The following ZC3H3 variants were observed in gnomAD, a reference collection of about 807,000 sequenced individuals.
ZC3H3 encodes zinc finger CCCH domain-containing protein 3.
In ZC3H3, 36 loss-of-function variants were observed where a neutral mutation model predicts 77.3. The ratio of observed to expected loss-of-function variants is 0.47; its 90% confidence interval spans 0.36 to 0.61. The LOEUF (loss-of-function observed/expected upper bound fraction) is 0.61. Among genes scored for constraint, ZC3H3 ranks in the 20% least tolerant of loss-of-function variants. The probability of loss-of-function intolerance (pLI) is 0.00; values close to 1 mark genes in which losing one functional copy is unlikely to be tolerated. For missense variants in ZC3H3, 1,331 were observed against 1,312.2 expected, an observed-to-expected ratio of 1.01 and a Z score of -0.22; for synonymous variants, 626 against 555.2, an observed-to-expected ratio of 1.13 and a Z score of -1.79.
intron 2 of ZC3H3, among the ~76,000 whole-genome samples, chr8:143,537,674 T>C (rs953353867): frequency 1.3e-5 from 2 of 152,150 alleles, no homozygotes; most frequent in Non-Finnish European, 2.9e-5. Context: ...CCCCTGCGCC[T>C]GGCCTGGCAC....
chr8:143,469,611 G>A (rs1435795840), intron 5 of ZC3H3, among the ~76,000 whole-genome samples: 3 of 152,212 alleles, frequency 2.0e-5, no homozygotes, highest in Admixed American at 2.0e-4. Context: ...GTGCGGTGGT[G>A]GCAGGAAGGA....
intron 5 of ZC3H3, among the ~76,000 whole-genome samples, 199 bp from the exon 6 acceptor site, chr8:143,468,858 C>T (rs1321073726): frequency 2.0e-5 from 3 of 152,216 alleles, no homozygotes; most frequent in East Asian, 3.9e-4. Flanking sequence ...TCTGGGGACA[C>T]AGCACCTGAG....
rs765870472 is a variant in ZC3H3 at position 143,541,397 on chromosome 8, G to A, written c.25C>T (p.Arg9Trp). ...CTACCCTGCAGTAGGCGGATCTGCCGCCGTAATATCTCCTTTTCCTCCATC... is the reference window on the plus strand; with the variant it reads ...CTACCCTGCAGTAGGCGGATCTGCCACCGTAATATCTCCTTTTCCTCCATC... MEEKEILR[R>W]QIRLLQGLID... Residue 9 changes from arginine to tryptophan, a missense_variant, in exon 1 of 12, where the codon CGG (arginine) becomes TGG (tryptophan). By Grantham distance (101) the Arg-to-Trp change is moderately radical (BLOSUM62 -3). Coordinates refer to ENST00000262577, the MANE Select transcript of ZC3H3 (RefSeq NM_015117.3). 3.1e-6 allele frequency: 5 copies of A among 1,611,938 alleles called. No homozygotes were observed. The highest frequency in any genetic ancestry group is 4.2e-6 in the Non-Finnish European group (5 of 1,179,474).
intron 3 of ZC3H3, among the ~76,000 whole-genome samples, chr8:143,531,853 T>C (rs995090188): frequency 1.3e-5 from 2 of 152,238 alleles, no homozygotes; most frequent in African/African-American, 4.8e-5. Context: ...GCTGACCTCT[T>C]TCGCACGGGT....
Position 143,507,880 on chromosome 8 carries a change from C to G in ZC3H3, c.1581G>C (p.Val527=). The change falls in exon 4 of 12, where the codon GTG becomes GTC. Residue 527 remains valine (V), a synonymous_variant. Coordinates refer to ENST00000262577, the MANE Select transcript of ZC3H3 (RefSeq NM_015117.3). The stretch of plus-strand genomic sequence containing the variant: ...TCACCTTGCTGGTGGGTGCAGTCCG[C>G]ACGGCATGCAGGCTGGACGCTGTAG... The part of the protein sequence containing the change: ...PTKEASSLHA[V]RTAPTSKVIK... 1 of 1,602,124 alleles carries G rather than the reference C, an allele frequency of 6.2e-7. No individual in the cohort carries two copies. Among genetic ancestry groups the G allele is most frequent in the Non-Finnish European group, 8.5e-7 (1 of 1,173,170 alleles).
intron 3 of ZC3H3, among the ~76,000 whole-genome samples, chr8:143,510,011 C>T (rs578105878): frequency 2.0e-5 from 3 of 152,318 alleles, no homozygotes; most frequent in East Asian, 3.9e-4. Context: ...AACACTTCTG[C>T]CCAGGAGGGG....
intron 4 of ZC3H3, among the ~76,000 whole-genome samples, chr8:143,506,640 G>A (rs942530903): frequency 2.0e-5 from 3 of 152,172 alleles, no homozygotes; most frequent in African/African-American, 4.8e-5. Flanking sequence ...AAAAAGTGCA[G>A]TAAAATTAAT....
At chr8:143,478,788 G>C (rs912045332) in intron 4 of ZC3H3, among the ~76,000 whole-genome samples, 7 of 152,254 alleles carry the variant, frequency 4.6e-5, no homozygotes, top group African/African-American at 1.7e-4. Context: ...GGGATTACAG[G>C]CATGAGCCAC....
chr8:143,536,353 C>T lies in ZC3H3; in HGVS notation c.1465G>A (p.Val489Ile). Reference protein sequence around the residue: ...RQALRGKSSPVLKKTPNKGLV... With the variant: ...RQALRGKSSPILKKTPNKGLV... ...CCCTTGTTGGGGGTCTTCTTCAGGA[C>T]AGGGCTGCTCTTCCCCCTGAGGGCC... is the stretch of plus-strand genomic sequence containing the variant. Residue 489 changes from valine to isoleucine, a missense_variant, in exon 3 of 12, where the codon GTC becomes ATC. Physicochemically the swap from Val to Ile is conservative, Grantham distance 29. This residue lies in a region of ZC3H3 where 978 missense variants were observed against 915.5 expected (regional missense o/e 1.07). Transcript: ENST00000262577. 6.2e-7 allele frequency: 1 copy of T among 1,605,982 alleles called. No individual in the cohort carries two copies. The highest frequency in any genetic ancestry group is 1.1e-5 in the South Asian group (1 of 89,562).
chr8:143,527,657 T>A (rs1053523422), intron 3 of ZC3H3, among the ~76,000 whole-genome samples: 2 of 152,184 alleles, frequency 1.3e-5, no homozygotes, highest in African/African-American at 4.8e-5. Context: ...GGACTCCAGA[T>A]CTAACTGCTC....
rs35638000 is a variant in ZC3H3, at chr8:143,523,633, G to T, written c.1561+12624C>A. The T allele has an allele frequency of 7.1e-3, 5,433 of 765,368 alleles. 222 individuals are homozygous for T. The African/African-American group carries it at 0.095, about 13-fold the overall frequency. The allele number at this position is 765,368 out of a possible 1,614,324, so 47.4% of individuals were successfully genotyped here. A position where few individuals can be genotyped will look rare whatever the true frequency, so the allele number is the denominator to read the frequency against. On this transcript the variant is annotated intron_variant, in intron 3 of 11. Coordinates refer to ENST00000262577, the MANE Select transcript of ZC3H3 (RefSeq NM_015117.3). Reference sequence around the variant, plus strand: ...GAGGACCCCTGTCCTCATCCAGCTTGGGCAGGCAGACCCTCTGCTGCATTC... The same window carrying T: ...GAGGACCCCTGTCCTCATCCAGCTTTGGCAGGCAGACCCTCTGCTGCATTC...
chr8:143,462,045 G>A lies in ZC3H3; in HGVS notation c.2307+3672C>T, dbSNP rs1820279548. On this transcript the variant is annotated intron_variant, in intron 9 of 11. Coordinates refer to ENST00000262577, the MANE Select transcript of ZC3H3 (RefSeq NM_015117.3). The surrounding 1 kb of genome is among the most constrained non-coding windows in gnomAD (Gnocchi z 4.7). ...ATCACCGTTGAGGGAAAGCACCCAC[G>A]ACATGAAGAAAAACTAAGTGAGGCC... Among the ~76,000 whole-genome samples the A allele has an allele frequency of 6.6e-6, 1 of 151,454 alleles. No homozygotes were observed. The highest frequency in any genetic ancestry group is 6.6e-5 in the Admixed American group (1 of 15,182).
intron 4 of ZC3H3, among the ~76,000 whole-genome samples, chr8:143,499,889 C>T (rs1210526424): frequency 6.6e-6 from 1 of 152,238 alleles, no homozygotes; most frequent in Non-Finnish European, 1.5e-5. Flanking sequence ...CACACCGGCC[C>T]TCACAGCCCA....
At chr8:143,511,527 G>T (rs561003465) in intron 3 of ZC3H3, among the ~76,000 whole-genome samples, 1 of 152,330 alleles carries the variant, frequency 6.6e-6, no homozygotes, top group African/African-American at 2.4e-5. Context: ...AGGAGAGAAG[G>T]CTGCTCCACC....
At chr8:143,481,961 T>G (rs774687657) in intron 4 of ZC3H3, among the ~76,000 whole-genome samples, 35 of 152,324 alleles carry the variant, frequency 2.3e-4, no homozygotes, top group Middle Eastern at 3.4e-3. Flanking sequence ...GTCTCCGCCC[T>G]GGTTCACAGC....
intron 4 of ZC3H3, among the ~76,000 whole-genome samples, chr8:143,499,155 G>A (rs1036293923): frequency 4.6e-5 from 7 of 152,174 alleles, no homozygotes; most frequent in African/African-American, 1.7e-4. Flanking sequence ...GCTCCTGGCT[G>A]TGAGGGAAGC....
chr8:143,454,203 T>C, intron 9 of ZC3H3, among the ~76,000 whole-genome samples: 1 of 150,728 alleles, frequency 6.6e-6, no homozygotes, highest in East Asian at 2.0e-4. Flanking sequence ...TGCCTCAGCC[T>C]CCCAAGTAGC....
intron 3 of ZC3H3, among the ~76,000 whole-genome samples, chr8:143,529,182 G>A (rs983245532): frequency 5.9e-5 from 9 of 152,222 alleles, no homozygotes; most frequent in African/African-American, 2.2e-4. Context: ...AGGGCCAGTC[G>A]AGAGAAAGCG....
intron 3 of ZC3H3, among the ~76,000 whole-genome samples, chr8:143,510,783 A>G (rs1307131367): frequency 6.6e-6 from 1 of 151,594 alleles, no homozygotes; most frequent in Non-Finnish European, 1.5e-5. Flanking sequence ...TTATTTAGAT[A>G]GGATGTTGGT....
Sources: gnomAD v4.1 joint callset for allele counts (sites outside exome capture counted in the v4.1 genomes callset) on GRCh38, gnomAD v4.1.1 for gene constraint, gnomAD v4.1.1 regional missense constraint, Gnocchi (gnomAD v3.1) non-coding constraint, MANE v1.5 for transcripts, NCBI Gene and HGNC (gene_info 2026-07-23, HGNC 2026-07-21) for gene names.